The following MGA variants were observed in gnomAD, a reference collection of about 807,000 sequenced individuals.
MGA encodes MAX dimerization protein MGA.
Under a neutral mutation model 261.1 loss-of-function variants are expected in MGA, and 40 were observed. The observed-to-expected ratio is 0.15, with a 90% CI of 0.12 to 0.20. The LOEUF (loss-of-function observed/expected upper bound fraction) is 0.20. Ranked by LOEUF, MGA falls within the 10% of genes least tolerant of loss-of-function variation. MGA has a pLI of 1.00. For synonymous variants in MGA, 1,302 were observed against 1,290.6 expected, an observed-to-expected ratio of 1.01 and a Z score of -0.19; for missense variants, 3,397 against 3,630.5, an observed-to-expected ratio of 0.94 and a Z score of 1.65.
At chr15:41,730,832 T>C (rs1484062385) in intron 11 of MGA, among the ~76,000 whole-genome samples, 1 of 152,192 alleles carries the variant, frequency 6.6e-6, no homozygotes, top group Non-Finnish European at 1.5e-5. Context: ...AAGAAGCCAA[T>C]AGTTGCAGCA....
chr15:41,639,701 C>T (rs986030724), intron 1 of MGA, among the ~76,000 whole-genome samples: 12 of 151,978 alleles, frequency 7.9e-5, no homozygotes, highest in African/African-American at 1.2e-4. Context: ...CCTGCCACCA[C>T]GCCCAGCTAA....
In MGA at chr15:41,767,290, T is replaced by C. The variant is rs142393414; in HGVS notation, c.*10T>C. ...TTCTGCAGGGAAATGAACTTACTTG[T>C]CCTTAAGCAGAAGCCAGGCTGTGAG... On this transcript the variant is annotated 3_prime_UTR_variant, in exon 24 of 24. Transcript: ENST00000219905. 3.1e-4 allele frequency: 490 copies of C among 1,592,314 alleles called. 3 individuals are homozygous for C. In the African/African-American group the frequency reaches 5.8e-3, roughly 19 times the overall value.
chr15:41,709,237 CT>C (rs1472951375), intron 7 of MGA, among the ~76,000 whole-genome samples: 2 of 151,898 alleles, frequency 1.3e-5, no homozygotes, highest in Non-Finnish European at 2.9e-5. Context: ...GTCCGAGCTA[CT>C]TGCGGGGCTG....
intron 5 of MGA, among the ~76,000 whole-genome samples, chr15:41,703,768 C>T (rs1595792307): frequency 1.3e-5 from 2 of 152,196 alleles, no homozygotes; most frequent in South Asian, 4.1e-4. Context: ...ATTCACTTAT[C>T]AGTGTGGACT....
intron 9 of MGA, among the ~76,000 whole-genome samples, chr15:41,726,241 C>T (rs2061241749): frequency 1.3e-5 from 2 of 152,048 alleles, no homozygotes; most frequent in Non-Finnish European, 2.9e-5. Flanking sequence ...GGTTGGACAT[C>T]CCTGCCTCTC....
At chr15:41,624,123 G>A (rs1261612067) in intron 1 of MGA, among the ~76,000 whole-genome samples, 1 of 151,158 alleles carries the variant, frequency 6.6e-6, no homozygotes, top group Non-Finnish European at 1.5e-5. Context: ...GGAGTGCAGT[G>A]GCATGATCTC....
chr15:41,635,753 A>G (rs1052309915), intron 1 of MGA, among the ~76,000 whole-genome samples: 36 of 152,172 alleles, frequency 2.4e-4, no homozygotes, highest in African/African-American at 8.7e-4. Flanking sequence ...TGTGCCACAT[A>G]ATGATATTTT....
chr15:41,636,451 C>G (rs572951490), intron 1 of MGA, among the ~76,000 whole-genome samples: 9 of 141,124 alleles, frequency 6.4e-5, no homozygotes, highest in Non-Finnish European at 1.2e-4. Context: ...TGCCACCATG[C>G]TTGGCTAATT....
intron 9 of MGA, among the ~76,000 whole-genome samples, chr15:41,722,156 G>C: frequency 8.6e-6 from 1 of 115,720 alleles, no homozygotes; most frequent in East Asian, 2.5e-4. Flanking sequence ...TTGAGACGGA[G>C]TCTTGCTCTC....
chr15:41,659,556 A>G (rs1371038093), upstream of MGA, among the ~76,000 whole-genome samples: 1 of 152,226 alleles, frequency 6.6e-6, no homozygotes, highest in Non-Finnish European at 1.5e-5. Flanking sequence ...AGGAGTAGAG[A>G]AGGAGAAAGA....
In MGA at chr15:41,768,564, C is replaced by T. The variant is rs2063909191; in HGVS notation, c.*1284C>T. On this transcript the variant is annotated 3_prime_UTR_variant, in exon 24 of 24. Transcript: ENST00000219905. ...GGGGTCAAGAATCACTATTCTGAAA[C>T]TGTATAGACTGGGATTTAGCTGCTG... The T allele has an allele frequency of 6.6e-6, 1 of 152,554 alleles. No individual in the cohort carries two copies. Among genetic ancestry groups the T allele is most frequent in the Non-Finnish European group, 1.5e-5 (1 of 68,022 alleles). The allele number at this position is 152,554 out of a possible 1,614,324, so 9.5% of individuals were successfully genotyped here. A position where few individuals can be genotyped will look rare whatever the true frequency, so the allele number is the denominator to read the frequency against.
intron 1 of MGA, among the ~76,000 whole-genome samples, chr15:41,650,195 G>A (rs1170162183): frequency 6.6e-6 from 1 of 152,156 alleles, no homozygotes; most frequent in Non-Finnish European, 1.5e-5. Context: ...GCTTTTGAGG[G>A]TAGGAATCAT....
chr15:41,692,347 T>G (rs773432163), intron 2 of MGA, among the ~76,000 whole-genome samples: 1 of 152,206 alleles, frequency 6.6e-6, no homozygotes, highest in Non-Finnish European at 1.5e-5. Flanking sequence ...GGGGTGGTAA[T>G]TGGACAGCAG....
chr15:41,727,084 C>A (rs1276263767), intron 9 of MGA, 96 bp from the exon 10 acceptor site: 10 of 863,488 alleles, frequency 1.2e-5, no homozygotes, highest in Non-Finnish European at 1.7e-5. Flanking sequence ...CGAGTTACTG[C>A]CTTTTGTGAG....
At chr15:41,763,092 C>CTTTTTTTTTTTTTTTTTT (rs71108131) in intron 22 of MGA, among the ~76,000 whole-genome samples, 3 of 63,952 alleles carry the variant, frequency 4.7e-5, no homozygotes, top group East Asian at 3.8e-4. Context: ...TTCTTTCTTC[C>CTTTTTTTTTTTTTTTTTT]TTTTTTTTTT....
At position 41,668,987 on chromosome 15, in the gene MGA, A is replaced by G; in HGVS notation, c.93A>G (p.Pro31=). 6.2e-7 allele frequency: 1 copy of G among 1,613,560 alleles called. No individual in the cohort carries two copies. The highest frequency in any genetic ancestry group is 8.5e-7 in the Non-Finnish European group (1 of 1,179,490). Reference sequence around the variant, plus strand: ...CCTTCTTTGTCATCTTAAAGCAGCCAGGAAATGGCAAAACTGATCAAGGAA... The same window carrying G: ...CCTTCTTTGTCATCTTAAAGCAGCCGGGAAATGGCAAAACTGATCAAGGAA... The change falls in exon 2 of 24, where the codon CCA becomes CCG. Residue 31 remains proline, a synonymous_variant. Transcript: ENST00000219905.
chr15:41,731,437 TTAAAA>T (rs1356550314), intron 11 of MGA, among the ~76,000 whole-genome samples: 2 of 152,104 alleles, frequency 1.3e-5, no homozygotes, highest in Admixed American at 6.5e-5. Flanking sequence ...TAAAAACTCT[TTAAAA>T]TAAACTCAGT....
At chr15:41,693,776 T>C (rs957085718) in intron 2 of MGA, among the ~76,000 whole-genome samples, 2 of 152,192 alleles carry the variant, frequency 1.3e-5, no homozygotes, top group African/African-American at 4.8e-5. Flanking sequence ...ATATTTATAC[T>C]TTTTTCTTTA....
At chr15:41,757,924 T>TA in intron 19 of MGA, 85 bp downstream of exon 19, 1 of 1,188,212 alleles carries the variant, frequency 8.4e-7, no homozygotes, top group Non-Finnish European at 1.2e-6. Flanking sequence ...TTAGCTATAT[T>TA]AGCCACGATT....
Sources: allele counts gnomAD v4.1 joint callset (sites outside exome capture counted in the v4.1 genomes callset), GRCh38; gene constraint gnomAD v4.1.1; transcripts MANE v1.5; gene names NCBI Gene and HGNC (gene_info 2026-07-23, HGNC 2026-07-21).